EYS: variants seen among roughly 807,000 people sequenced by gnomAD.
The protein encoded by EYS is protein eyes shut homolog.
A neutral mutation model predicts 282.1 loss-of-function variants in EYS; 250 were observed. The observed-to-expected ratio is 0.89, with a 90% CI of 0.80 to 0.98. The LOEUF (loss-of-function observed/expected upper bound fraction) is 0.98. Among genes scored for constraint, EYS ranks in the 50% least tolerant of loss-of-function variants. The pLI, the probability that EYS is intolerant of heterozygous loss-of-function variation, is 0.00. For missense variants in EYS, 4,016 were observed against 3,709.0 expected (o/e 1.08, Z -2.15); for synonymous variants, 1,355 against 1,282.9 (o/e 1.06, Z -1.20).
intron 26 of EYS, among the ~76,000 whole-genome samples, chr6:64,571,162 A>T (rs749444225): frequency 6.6e-6 from 1 of 152,184 alleles, no homozygotes; most frequent in Non-Finnish European, 1.5e-5. Flanking sequence ...AAACTGAACA[A>T]ATTGCTCCTG....
intron 19 of EYS, among the ~76,000 whole-genome samples, chr6:64,837,890 T>C (rs1198445307): frequency 6.6e-6 from 1 of 151,416 alleles, no homozygotes; most frequent in African/African-American, 2.4e-5. Flanking sequence ...TAAGAAATTA[T>C]GCAATGAGAA....
intron 26 of EYS, among the ~76,000 whole-genome samples, chr6:64,574,197 G>A (rs1265934745): frequency 1.3e-5 from 2 of 152,068 alleles, no homozygotes; most frequent in Non-Finnish European, 2.9e-5. Flanking sequence ...AACACCACAT[G>A]TTCTCACTCA....
At chr6:65,143,944 G>A (rs1004837597) in intron 12 of EYS, among the ~76,000 whole-genome samples, 42 of 151,586 alleles carry the variant, frequency 2.8e-4, no homozygotes, top group Admixed American at 2.8e-3. Context: ...TCCTATTATT[G>A]TACAACAGTG....
At chr6:64,241,653 G>GTT (rs1287891732) in intron 30 of EYS, among the ~76,000 whole-genome samples, 5 of 148,872 alleles carry the variant, frequency 3.4e-5, no homozygotes, top group Admixed American at 6.7e-5. Context: ...TTTTTTGAAG[G>GTT]TTTTTGTGTG....
intron 22 of EYS, chr6:64,733,632 G>A (rs1772054721): frequency 6.4e-6 from 1 of 155,808 alleles, no homozygotes; most frequent in Non-Finnish European, 1.4e-5. Flanking sequence ...GCCAGAGTGG[G>A]CGATGATGAC....
intron 35 of EYS, among the ~76,000 whole-genome samples, chr6:63,965,926 G>A (rs920909294): frequency 2.6e-5 from 4 of 152,172 alleles, no homozygotes; most frequent in Non-Finnish European, 5.9e-5. Flanking sequence ...GAATTCAAAC[G>A]GATATGGGCT....
chr6:64,528,214 T>G (rs955187321), intron 26 of EYS, among the ~76,000 whole-genome samples: 3 of 151,828 alleles, frequency 2.0e-5, no homozygotes, highest in Non-Finnish European at 4.4e-5. Context: ...ACCACTCTCT[T>G]TCATGCATTG....
intron 14 of EYS, among the ~76,000 whole-genome samples, chr6:64,993,287 C>T (rs1160840476): frequency 2.0e-5 from 3 of 151,762 alleles, no homozygotes; most frequent in East Asian, 1.9e-4. Context: ...AATAAACATA[C>T]GTGTGCATGT....
At chr6:65,555,220 C>T (rs1186853878) in intron 2 of EYS, among the ~76,000 whole-genome samples, 1 of 151,952 alleles carries the variant, frequency 6.6e-6, no homozygotes, top group African/African-American at 2.4e-5. Context: ...TTAAAACGAC[C>T]ATGAAATAAA....
chr6:65,329,037 C>T (rs1380385692), intron 11 of EYS, among the ~76,000 whole-genome samples: 1 of 150,924 alleles, frequency 6.6e-6, no homozygotes, highest in Non-Finnish European at 1.5e-5. Flanking sequence ...CCTATAAAAA[C>T]GATTTAAATA....
intron 28 of EYS, among the ~76,000 whole-genome samples, chr6:64,420,745 G>A (rs964064952): frequency 6.6e-6 from 1 of 152,082 alleles, no homozygotes; most frequent in African/African-American, 2.4e-5. Flanking sequence ...TCTTGGGTAG[G>A]GACAAAATGC....
At chr6:65,481,744 A>AT (rs1456329529) in intron 5 of EYS, among the ~76,000 whole-genome samples, 2 of 151,538 alleles carry the variant, frequency 1.3e-5, no homozygotes, top group African/African-American at 2.4e-5. Flanking sequence ...TTTATTTTTT[A>AT]TTTTTTTAGG....
intron 28 of EYS, among the ~76,000 whole-genome samples, chr6:64,431,569 T>G (rs1471534896): frequency 6.6e-6 from 1 of 152,138 alleles, no homozygotes; most frequent in Non-Finnish European, 1.5e-5. Flanking sequence ...GTCTATTGGG[T>G]ACTGTAGGTT....
chr6:64,982,257 T>C (rs776799974), intron 14 of EYS, among the ~76,000 whole-genome samples: 2 of 151,370 alleles, frequency 1.3e-5, no homozygotes, highest in Non-Finnish European at 3.0e-5. Flanking sequence ...CAACAAAGTT[T>C]TGAATTACTG....
At chr6:65,308,586 CAT>C (rs1442979235) in intron 11 of EYS, among the ~76,000 whole-genome samples, 1 of 146,082 alleles carries the variant, frequency 6.8e-6, no homozygotes, top group Non-Finnish European at 1.5e-5. Flanking sequence ...GGTACCCAGA[CAT>C]AGCTCAACAT....
intron 12 of EYS, among the ~76,000 whole-genome samples, chr6:65,279,802 T>C (rs1261515589): frequency 6.6e-6 from 1 of 152,204 alleles, no homozygotes; most frequent in Non-Finnish European, 1.5e-5. Context: ...ATCTTGATTG[T>C]TTACATCTTG....
chr6:65,081,178 AAT>A, intron 12 of EYS, among the ~76,000 whole-genome samples: 1 of 152,090 alleles, frequency 6.6e-6, no homozygotes, highest in East Asian at 1.9e-4. Flanking sequence ...AAATGAAAAT[AAT>A]ATATGTGATC....
At chr6:64,864,788 C>G (rs1186882891) in intron 19 of EYS, among the ~76,000 whole-genome samples, 1 of 151,784 alleles carries the variant, frequency 6.6e-6, no homozygotes, top group Non-Finnish European at 1.5e-5. Context: ...GTAATCCCAG[C>G]ACTTTGGGAG....
intron 18 of EYS, among the ~76,000 whole-genome samples, chr6:64,899,102 T>G (rs537001515): frequency 6.6e-6 from 1 of 152,060 alleles, no homozygotes; most frequent in African/African-American, 2.4e-5. Context: ...CTGGACCAAG[T>G]GGACCTAATA....
Sources: gnomAD v4.1 joint callset for allele counts (sites outside exome capture counted in the v4.1 genomes callset) on GRCh38, gnomAD v4.1.1 for gene constraint, MANE v1.5 for transcripts, NCBI Gene and HGNC (gene_info 2026-07-23, HGNC 2026-07-21) for gene names.